The following HEATR1 variants were observed in gnomAD, a reference collection of about 807,000 sequenced individuals.
The protein encoded by HEATR1 is HEAT repeat-containing protein 1.
A neutral mutation model predicts 248.2 loss-of-function variants in HEATR1; 77 were observed. That is an observed-to-expected ratio of 0.31 (90% CI 0.26 to 0.37). HEATR1 has a LOEUF of 0.37. Among genes scored for constraint, HEATR1 ranks in the 10% least tolerant of loss-of-function variants. The pLI, the probability that HEATR1 is intolerant of heterozygous loss-of-function variation, is 1.00. For missense variants in HEATR1, 2,420 were observed against 2,504.9 expected, an observed-to-expected ratio of 0.97 and a Z score of 0.72; for synonymous variants, 897 against 923.1, an observed-to-expected ratio of 0.97 and a Z score of 0.51.
Position 236,550,838 on chromosome 1 carries a change from CA to C in HEATR1, c.*63del. On this transcript the variant is annotated 3_prime_UTR_variant, in exon 45 of 45. Coordinates refer to ENST00000366582, the MANE Select transcript of HEATR1 (RefSeq NM_018072.6). ...CAAAAGTAACATGGCACCCAACACCCAAAAATAAAAATATGAAATATGAGTG... is the reference window on the plus strand; with the variant it reads ...CAAAAGTAACATGGCACCCAACACCCAAAATAAAAATATGAAATATGAGTG... 3 of 1,327,904 alleles carry C rather than the reference CA, an allele frequency of 2.3e-6. No homozygotes were observed. Among genetic ancestry groups the C allele is most frequent in the Non-Finnish European group, 3.1e-6 (3 of 955,734 alleles). 82.3% of individuals were successfully genotyped at this position (1,327,904 alleles called of 1,614,324 possible). A position where few individuals can be genotyped will look rare whatever the true frequency, so the allele number is the denominator to read the frequency against.
At position 236,550,640 on chromosome 1, in the gene HEATR1, T is replaced by C. The variant is rs773839999; in HGVS notation, c.*262A>G. 7.6e-6 allele frequency: 3 copies of C among 394,270 alleles called. No individual in the cohort carries two copies. The highest frequency in any genetic ancestry group is 1.4e-5 in the Non-Finnish European group (3 of 221,668). The allele number at this position is 394,270 out of a possible 1,614,324, so 24.4% of individuals were successfully genotyped here. ...TTACCATCAATCAGGAAGAGAATAATAAATGTTTAAACAAACACAGCAGTC... is the reference window on the plus strand; with the variant it reads ...TTACCATCAATCAGGAAGAGAATAACAAATGTTTAAACAAACACAGCAGTC... On this transcript the variant is annotated 3_prime_UTR_variant, in exon 45 of 45. Coordinates refer to ENST00000366582, the MANE Select transcript of HEATR1 (RefSeq NM_018072.6).
In HEATR1 at chr1:236,550,760, G is replaced by GT. The variant is rs1662693190; in HGVS notation, c.*141dup. ...GCAGCACAAGCCAGGTGGGGATTTT[G>GT]TAAAGAAGTGATAAAACATTTGTAA... is the stretch of plus-strand genomic sequence containing the variant. On this transcript the variant is annotated 3_prime_UTR_variant, in exon 45 of 45. Coordinates refer to ENST00000366582, the MANE Select transcript of HEATR1 (RefSeq NM_018072.6). 1 of 626,808 alleles carries GT rather than the reference G, an allele frequency of 1.6e-6. No individual in the cohort carries two copies. The highest frequency in any genetic ancestry group is 3.3e-5 in the Admixed American group (1 of 30,756). 38.8% of individuals were successfully genotyped at this position (626,808 alleles called of 1,614,324 possible).
At chr1:236,564,427 C>T in intron 32 of HEATR1, 71 bp downstream of exon 32, 2 of 1,355,726 alleles carry the variant, frequency 1.5e-6, no homozygotes, top group East Asian at 2.4e-5. Context: ...CAAGCTACTT[C>T]TACTGGTTGA....
In HEATR1 at chr1:236,585,829, C is replaced by T. The variant is rs778787258; in HGVS notation, c.2040G>A (p.Met680Ile). 6.2e-7 allele frequency: 1 copy of T among 1,612,358 alleles called. No homozygotes were observed. Among genetic ancestry groups the T allele is most frequent in the East Asian group, 2.2e-5 (1 of 44,758 alleles). ...TTCAAAGCATACTTACCATCTTTAA[C>T]ATTGAAGAAGGATCTCCTAAATTTA... ...DNINLGDPSS[M>I]LKMVEDLISV... The change falls in exon 16 of 45, where the codon ATG becomes ATA. Residue 680 changes from methionine to isoleucine, a missense_variant. Physicochemically the swap from Met to Ile is conservative, Grantham distance 10. Transcript: ENST00000366582.
chr1:236,564,719 A>C, intron 31 of HEATR1, 58 bp from the exon 32 acceptor site: 1 of 1,492,920 alleles, frequency 6.7e-7, no homozygotes, highest in Non-Finnish European at 9.1e-7. Flanking sequence ...CTTCATACAG[A>C]ATTAACAGAT....
At chr1:236,558,184 T>G in intron 36 of HEATR1, 53 bp downstream of exon 36, 1 of 1,526,508 alleles carries the variant, frequency 6.6e-7, no homozygotes, top group Non-Finnish European at 8.8e-7. Flanking sequence ...AGTGTTATTT[T>G]TCAATGTGTG....
chr1:236,594,542 T>C (rs1040614620), intron 8 of HEATR1, among the ~76,000 whole-genome samples: 5 of 152,182 alleles, frequency 3.3e-5, no homozygotes, highest in South Asian at 2.1e-4. Flanking sequence ...ATGAATCTGA[T>C]CTTAGCCCTT....
intron 20 of HEATR1, among the ~76,000 whole-genome samples, chr1:236,580,824 AT>A (rs71178327): frequency 6.3e-4 from 80 of 126,632 alleles, no homozygotes; most frequent in African/African-American, 1.5e-3. Context: ...GCCTTTATCG[AT>A]TTTTTTTTTT....
chr1:236,557,139 G>T (rs1662999021), intron 37 of HEATR1, 56 bp downstream of exon 37: 2 of 1,561,524 alleles, frequency 1.3e-6, no homozygotes, highest in African/African-American at 1.4e-5. Flanking sequence ...CTACATTTGT[G>T]ATCTTTTACC....
chr1:236,587,385 G>A lies in HEATR1; in HGVS notation c.1715+17C>T. 8.1e-7 allele frequency: 1 copy of A among 1,238,382 alleles called. No individual in the cohort carries two copies. Among genetic ancestry groups the A allele is most frequent in the Non-Finnish European group, 1.1e-6 (1 of 898,948 alleles). 76.7% of individuals were successfully genotyped at this position (1,238,382 alleles called of 1,614,324 possible). A position where few individuals can be genotyped will look rare whatever the true frequency, so the allele number is the denominator to read the frequency against. ...CTTCATCAATTCAAAATAGTATGAGGAGAAATGAATACATACCATTCTCCA... is the reference window on the plus strand; with the variant it reads ...CTTCATCAATTCAAAATAGTATGAGAAGAAATGAATACATACCATTCTCCA... On this transcript the variant is annotated intron_variant, in intron 14 of 44. Coordinates refer to ENST00000366582, the MANE Select transcript of HEATR1 (RefSeq NM_018072.6).
intron 31 of HEATR1, among the ~76,000 whole-genome samples, chr1:236,565,187 T>C (rs934207511): frequency 6.6e-6 from 1 of 152,208 alleles, no homozygotes; most frequent in African/African-American, 2.4e-5. Flanking sequence ...CAAACAGGGA[T>C]GACAGGGCCA....
At position 236,599,627 on chromosome 1, in the gene HEATR1, G is replaced by A; in HGVS notation, c.360-3C>T. ...GATTATAGAGATGTATATGGAACCT[G>A]GGGAAAAAAAGCAAACAGTCCAACT... On this transcript the variant is annotated splice_region_variant and splice_polypyrimidine_tract_variant and intron_variant, in intron 3 of 44. Coordinates refer to ENST00000366582, the MANE Select transcript of HEATR1 (RefSeq NM_018072.6). 3 of 1,594,704 alleles carry A rather than the reference G, an allele frequency of 1.9e-6. No individual in the cohort carries two copies. The highest frequency in any genetic ancestry group is 1.7e-6 in the Non-Finnish European group (2 of 1,171,202).
intron 3 of HEATR1, among the ~76,000 whole-genome samples, chr1:236,601,735 G>T (rs974702626): frequency 3.9e-5 from 6 of 152,136 alleles, no homozygotes; most frequent in African/African-American, 1.4e-4. Context: ...TACTTGGGTG[G>T]CTGAGATCGG....
At chr1:236,582,909 T>C (rs1254297697) in intron 18 of HEATR1, 37 bp from the exon 19 acceptor site, 2 of 1,610,258 alleles carry the variant, frequency 1.2e-6, no homozygotes, top group Middle Eastern at 1.7e-4. Flanking sequence ...TGCTAGATCC[T>C]ACATGAACAT....
At position 236,592,531 on chromosome 1, in the gene HEATR1, TA is replaced by T; in HGVS notation, c.1295del (p.Leu432Ter). 7.4e-7 allele frequency: 1 copy of T among 1,358,138 alleles called. No homozygotes were observed. The highest frequency in any genetic ancestry group is 1.1e-6 in the Non-Finnish European group (1 of 951,980). The allele number at this position is 1,358,138 out of a possible 1,614,324, so 84.1% of individuals were successfully genotyped here. On this transcript the variant is annotated frameshift_variant, in exon 10 of 45. Transcript: ENST00000366582. LOFTEE classifies it high-confidence loss of function. ...NEQFLPLIRL[L>X]ESKYPRTLDV... Reference sequence around the variant, plus strand: ...ATACACACGTAACTTACTTGCTTTCTAAAAGCCTAATGAGTGGAAGAAATTG... The same window carrying T: ...ATACACACGTAACTTACTTGCTTTCTAAAGCCTAATGAGTGGAAGAAATTG...
intron 3 of HEATR1, among the ~76,000 whole-genome samples, chr1:236,602,387 C>A (rs1664349236): frequency 6.6e-6 from 1 of 152,214 alleles, no homozygotes; most frequent in Non-Finnish European, 1.5e-5. Context: ...CAAATAATCT[C>A]ACCAGAGGAA....
chr1:236,596,953 G>A lies in HEATR1; in HGVS notation c.627C>T (p.Ser209=), dbSNP rs542804234. 1 of 1,613,492 alleles carries A rather than the reference G, an allele frequency of 6.2e-7. No homozygotes were observed. The highest frequency in any genetic ancestry group is 1.3e-5 in the African/African-American group (1 of 74,954). ...CCAAGAGCACCCTCAACTGAGCTGAGCTGCCCGGGTACTCAGCAAAAACCT... is the reference window on the plus strand; with the variant it reads ...CCAAGAGCACCCTCAACTGAGCTGAACTGCCCGGGTACTCAGCAAAAACCT... The part of the protein sequence containing the change: ...SVKVFAEYPG[S]SAQLRVLLAF... The change falls in exon 6 of 45, where the codon AGC becomes AGT. Residue 209 remains serine, a synonymous_variant. Transcript: ENST00000366582.
At chr1:236,556,564 A>C (rs1311455634) in intron 37 of HEATR1, among the ~76,000 whole-genome samples, 4 of 152,212 alleles carry the variant, frequency 2.6e-5, no homozygotes, top group African/African-American at 9.6e-5. Context: ...CAAGTTGCTA[A>C]AAAACTGAGA....
chr1:236,557,279 C>T lies in HEATR1; in HGVS notation c.5271G>A (p.Leu1757=). 6.2e-7 allele frequency: 1 copy of T among 1,614,196 alleles called. No individual in the cohort carries two copies. Among genetic ancestry groups the T allele is most frequent in the Non-Finnish European group, 8.5e-7 (1 of 1,180,020 alleles). Reference sequence around the variant, plus strand: ...TCTGCAGAGCAGCCAAGGCACTGAGCAGGTAGACCTCGCTGGAGACCAGCT... The same window carrying T: ...TCTGCAGAGCAGCCAAGGCACTGAGTAGGTAGACCTCGCTGGAGACCAGCT... The part of the protein sequence containing the change: ...TSELVSSEVY[L]LSALAALQKV... Residue 1757 remains leucine, a synonymous_variant, in exon 37 of 45, where the codon CTG becomes CTA. Transcript: ENST00000366582.
Sources: allele counts gnomAD v4.1 joint callset (sites outside exome capture counted in the v4.1 genomes callset), GRCh38; gene constraint gnomAD v4.1.1; transcripts MANE v1.5; gene names NCBI Gene and HGNC (gene_info 2026-07-23, HGNC 2026-07-21).